HS3ST5: variants seen among roughly 807,000 people sequenced by gnomAD.
HS3ST5 encodes heparan sulfate-glucosamine 3-sulfotransferase 5.
In HS3ST5, 10 loss-of-function variants were observed where a neutral mutation model predicts 25.4. The observed-to-expected ratio is 0.39, with a 90% CI of 0.24 to 0.67. HS3ST5 has a LOEUF of 0.67. HS3ST5 is among the 30% of genes least tolerant of loss of function. The pLI is 0.44. For missense variants in HS3ST5, 324 were observed against 420.7 expected, an observed-to-expected ratio of 0.77 and a Z score of 2.01; for synonymous variants, 170 against 162.4, an observed-to-expected ratio of 1.05 and a Z score of -0.36.
intron 2 of HS3ST5, among the ~76,000 whole-genome samples, chr6:114,225,307 G>A (rs1322922837): frequency 2.0e-5 from 3 of 151,820 alleles, no homozygotes; most frequent in African/African-American, 7.2e-5. Context: ...ATATCCCCAT[G>A]TACCTTCTAG....
Position 114,272,626 on chromosome 6 carries a change from C to T in HS3ST5, c.-338-43848G>A, listed in dbSNP as rs115396332. Among the ~76,000 whole-genome samples the T allele has an allele frequency of 5.7e-3, 869 of 152,212 alleles. 7 individuals carry two copies. Among genetic ancestry groups the T allele is most frequent in the African/African-American group, 0.02 (839 of 41,558 alleles). On this transcript the variant is annotated intron_variant, in intron 1 of 4. Coordinates refer to ENST00000312719, the MANE Select transcript of HS3ST5 (RefSeq NM_153612.4). Reference sequence around the variant, plus strand: ...TACATAGTCACTTACTGCTAAGCCACAGGAGAGTTCTCCCTGAGCCCAGCC... The same window carrying T: ...TACATAGTCACTTACTGCTAAGCCATAGGAGAGTTCTCCCTGAGCCCAGCC...
intron 3 of HS3ST5, among the ~76,000 whole-genome samples, chr6:114,164,507 C>A (rs1010971203): frequency 6.6e-6 from 1 of 152,168 alleles, no homozygotes; most frequent in Non-Finnish European, 1.5e-5. Flanking sequence ...ATAGATTCTC[C>A]ATCTCAGCAG....
intron 2 of HS3ST5, among the ~76,000 whole-genome samples, chr6:114,182,691 G>C (rs1780029203): frequency 6.6e-6 from 1 of 152,094 alleles, no homozygotes; most frequent in Non-Finnish European, 1.5e-5. Flanking sequence ...GTGGTTACAG[G>C]GGCTAAGCTT....
chr6:114,272,427 T>C (rs1773674984), intron 1 of HS3ST5, among the ~76,000 whole-genome samples: 1 of 152,172 alleles, frequency 6.6e-6, no homozygotes, highest in Admixed American at 6.5e-5. Flanking sequence ...CTAAGGAATC[T>C]TGACACACAT....
At chr6:114,181,034 T>C (rs574640014) in intron 2 of HS3ST5, among the ~76,000 whole-genome samples, 2 of 152,354 alleles carry the variant, frequency 1.3e-5, no homozygotes, top group South Asian at 2.1e-4. Flanking sequence ...TGTGCATATC[T>C]AGGTTAAATG....
At chr6:114,203,473 G>A (rs1420590333) in intron 2 of HS3ST5, among the ~76,000 whole-genome samples, 1 of 152,088 alleles carries the variant, frequency 6.6e-6, no homozygotes, top group African/African-American at 2.4e-5. Context: ...GCCATCTTCG[G>A]GAGGTCACAA....
intron 2 of HS3ST5, among the ~76,000 whole-genome samples, chr6:114,178,157 T>G (rs753147156): frequency 1.3e-4 from 20 of 152,208 alleles, no homozygotes; most frequent in Non-Finnish European, 2.4e-4. Context: ...GGATTCTATA[T>G]ATATGAACAA....
intron 1 of HS3ST5, among the ~76,000 whole-genome samples, chr6:114,306,235 A>G (rs1010705950): frequency 5.3e-5 from 5 of 93,778 alleles, no homozygotes; most frequent in African/African-American, 8.0e-5. Context: ...TAAATGAAAT[A>G]TACATATATA....
intron 3 of HS3ST5, among the ~76,000 whole-genome samples, chr6:114,077,254 C>T (rs1774189689): frequency 6.6e-6 from 1 of 152,108 alleles, no homozygotes; most frequent in South Asian, 2.1e-4. Flanking sequence ...TCAGGGGTCT[C>T]ATTTAGTAGA....
chr6:114,155,462 C>CTCTA (rs1778657571), intron 3 of HS3ST5, among the ~76,000 whole-genome samples: 1 of 152,152 alleles, frequency 6.6e-6, no homozygotes, highest in African/African-American at 2.4e-5. Flanking sequence ...AAGCATGCTA[C>CTCTA]TCTAGTTCCA....
At chr6:114,284,750 G>C (rs551555419) in intron 1 of HS3ST5, among the ~76,000 whole-genome samples, 3 of 151,756 alleles carry the variant, frequency 2.0e-5, no homozygotes, top group Non-Finnish European at 2.9e-5. Context: ...TCTCCAAGCT[G>C]CTCCTTATAA....
chr6:114,242,859 CAA>C (rs376265869), intron 1 of HS3ST5, among the ~76,000 whole-genome samples: 41 of 110,860 alleles, frequency 3.7e-4, no homozygotes, highest in Non-Finnish European at 4.9e-4. Flanking sequence ...GACTCCGTCT[CAA>C]AAAAAAAAAA....
Position 114,342,336 on chromosome 6 carries a change from G to A in HS3ST5, c.-480C>T, listed in dbSNP as rs767480682. 184 of 155,588 alleles carry A rather than the reference G, an allele frequency of 1.2e-3. 1 individual carries two copies. Among genetic ancestry groups the A allele is most frequent in the Non-Finnish European group, 1.2e-3 (86 of 70,116 alleles). The allele number at this position is 155,588 out of a possible 1,614,324, so 9.6% of individuals were successfully genotyped here. On this transcript the variant is annotated 5_prime_UTR_variant, in exon 1 of 5. Transcript: ENST00000312719. The stretch of plus-strand genomic sequence containing the variant: ...TTCGGATGCCCGGGCTAGGCTCGGC[G>A]GAGAGCGAGTCGGCGTGAATGAGAG...
chr6:114,224,689 T>C (rs1015445524), intron 2 of HS3ST5, among the ~76,000 whole-genome samples: 1 of 146,200 alleles, frequency 6.8e-6, no homozygotes, highest in Non-Finnish European at 1.5e-5. Context: ...TATATATACA[T>C]ATATATATAT....
intron 3 of HS3ST5, among the ~76,000 whole-genome samples, chr6:114,138,203 G>A (rs915033087): frequency 1.3e-5 from 2 of 152,094 alleles, no homozygotes; most frequent in African/African-American, 4.8e-5. Context: ...ACATCTATAT[G>A]CCATGATAGT....
intron 3 of HS3ST5, among the ~76,000 whole-genome samples, chr6:114,150,287 C>T (rs374288960): frequency 1.3e-5 from 2 of 152,174 alleles, no homozygotes; most frequent in East Asian, 1.9e-4. Context: ...ACATAGCCTA[C>T]GTTCACACAA....
intron 1 of HS3ST5, among the ~76,000 whole-genome samples, chr6:114,294,346 G>A (rs1489049361): frequency 6.6e-6 from 1 of 152,046 alleles, no homozygotes; most frequent in African/African-American, 2.4e-5. Context: ...GATCTCAGGA[G>A]ACATTCCAGC....
intron 2 of HS3ST5, among the ~76,000 whole-genome samples, chr6:114,185,371 G>C (rs990376625): frequency 3.3e-5 from 5 of 152,252 alleles, no homozygotes; most frequent in African/African-American, 1.2e-4. Context: ...GCCATGTGAA[G>C]ACACAGCAAG....
intron 2 of HS3ST5, among the ~76,000 whole-genome samples, chr6:114,192,832 G>C (rs1328209150): frequency 6.6e-6 from 1 of 152,076 alleles, no homozygotes; most frequent in Non-Finnish European, 1.5e-5. Context: ...AATATATATA[G>C]ACTACCACAG....
Sources: allele counts gnomAD v4.1 joint callset (sites outside exome capture counted in the v4.1 genomes callset), GRCh38; gene constraint gnomAD v4.1.1; transcripts MANE v1.5; gene names NCBI Gene and HGNC (gene_info 2026-07-23, HGNC 2026-07-21).